L1TD1: variants seen among roughly 807,000 people sequenced by gnomAD.
L1TD1 encodes LINE-1 type transposase domain-containing protein 1.
L1TD1 carries 26 observed loss-of-function variants against 25.7 expected under a neutral mutation model. The ratio of observed to expected loss-of-function variants is 1.01; its 90% CI spans 0.74 to 1.40. L1TD1 has a LOEUF of 1.40. Among genes scored for constraint, L1TD1 ranks in the 40% most tolerant of loss-of-function variants. The pLI, the probability that L1TD1 is intolerant of heterozygous loss-of-function variation, is 0.00. For synonymous variants in L1TD1, 421 were observed against 335.6 expected (o/e 1.25, Z -2.78); for missense variants, 1,130 against 975.0 (o/e 1.16, Z -2.12).
At position 62,206,748 on chromosome 1, in the gene L1TD1, A is replaced by G. The variant is rs990708245; in HGVS notation, c.120A>G (p.Val40=). ...AAACTGATAAGGACATAGCTCCGGT[A>G]TTAGATTTAAAATGCAAGGACGTAT... is the stretch of plus-strand genomic sequence containing the variant. ...LTETDKDIAP[V]LDLKCKDVSA... Residue 40 remains valine, a synonymous_variant, in exon 3 of 4, where the codon GTA becomes GTG. Coordinates refer to ENST00000498273, the MANE Select transcript of L1TD1 (RefSeq NM_019079.5). 2.6e-6 allele frequency: 4 copies of G among 1,552,938 alleles called. No homozygotes were observed. The highest frequency in any genetic ancestry group is 3.5e-6 in the Non-Finnish European group (4 of 1,147,456).
At position 62,209,953 on chromosome 1, in the gene L1TD1, G is replaced by T. The variant is rs775731686; in HGVS notation, c.1179G>T (p.Gly393=). The stretch of plus-strand genomic sequence containing the variant: ...AGGAGCTGGATGAAGAGGCCTCAGG[G>T]ATGGAGGATGATGAAGATACCTCAG... The part of the protein sequence containing the change: ...ELEELDEEAS[G]MEDDEDTSGL... The change falls in exon 4 of 4, where the codon GGG becomes GGT. Residue 393 remains glycine, a synonymous_variant. Transcript: ENST00000498273. 6 of 1,612,732 alleles carry T rather than the reference G, an allele frequency of 3.7e-6. No homozygotes were observed. In the East Asian group the frequency reaches 1.3e-4, roughly 36 times the overall value.
intron 2 of L1TD1, among the ~76,000 whole-genome samples, chr1:62,200,742 G>A (rs996266419): frequency 6.6e-6 from 1 of 151,926 alleles, no homozygotes; most frequent in Non-Finnish European, 1.5e-5. Flanking sequence ...TTTAATAATA[G>A]GCTTTTCGTT....
Position 62,207,226 on chromosome 1 carries a change from A to G in L1TD1, c.598A>G (p.Arg200Gly), listed in dbSNP as rs1286046017. 7.1e-6 allele frequency: 11 copies of G among 1,551,718 alleles called. No individual in the cohort carries two copies. In the South Asian group the frequency reaches 1.3e-4, roughly 18 times the overall value. ...VHLEFTERESRKDGEDEFVKE... is the reference protein window; with the variant it reads ...VHLEFTERESGKDGEDEFVKE... ...TTTAGAATTTACAGAAAGAGAGAGTAGGAAGGATGGAGAGGATGAATTTGT... is the reference window on the plus strand; with the variant it reads ...TTTAGAATTTACAGAAAGAGAGAGTGGGAAGGATGGAGAGGATGAATTTGT... The change falls in exon 3 of 4, where the codon AGG (arginine) becomes GGG (glycine). Residue 200 changes from arginine to glycine, a missense_variant. Arg to Gly is a moderately radical substitution (Grantham distance 125). Transcript: ENST00000498273.
At chr1:62,200,260 T>C (rs1032455970) in intron 2 of L1TD1, among the ~76,000 whole-genome samples, 1 of 152,116 alleles carries the variant, frequency 6.6e-6, no homozygotes, top group Non-Finnish European at 1.5e-5. Context: ...CACTGCAACC[T>C]CCGCCTCCCG....
intron 2 of L1TD1, among the ~76,000 whole-genome samples, chr1:62,204,125 T>C (rs751833645): frequency 3.3e-5 from 5 of 152,234 alleles, no homozygotes. Context: ...GCTCCCATTT[T>C]TGAACCATGC....
Position 62,210,445 on chromosome 1 carries a change from T to C in L1TD1, c.1671T>C (p.Ser557=), listed in dbSNP as rs770543773. The change falls in exon 4 of 4, where the codon TCT becomes TCC. Residue 557 remains serine, a synonymous_variant. Coordinates refer to ENST00000498273, the MANE Select transcript of L1TD1 (RefSeq NM_019079.5). ...GTPCLTLCLA[S]PSKSLEMSHD... ...CCTGTCTGACCTTATGTTTGGCCTC[T>C]CCCTCAAAGTCACTAGAGATGAGTC... 24 of 1,613,972 alleles carry C rather than the reference T, an allele frequency of 1.5e-5. No homozygotes were observed. In the Admixed American group the frequency reaches 3.5e-4, roughly 24 times the overall value.
chr1:62,211,214 C>A lies in L1TD1; in HGVS notation c.2440C>A (p.Leu814Met), dbSNP rs1337052193. The part of the protein sequence containing the change: ...RSKWSNVFKV[L>M]LEKGFNPRIL... ...TAAATGGAGCAATGTCTTCAAAGTTCTGCTGGAAAAAGGCTTTAATCCTAG... is the reference window on the plus strand; with the variant it reads ...TAAATGGAGCAATGTCTTCAAAGTTATGCTGGAAAAAGGCTTTAATCCTAG... The change falls in exon 4 of 4, where the codon CTG becomes ATG. Residue 814 changes from leucine (L) to methionine (M), a missense_variant. Coordinates refer to ENST00000498273, the MANE Select transcript of L1TD1 (RefSeq NM_019079.5). 1.9e-6 allele frequency: 3 copies of A among 1,556,848 alleles called. No individual in the cohort carries two copies. Among genetic ancestry groups the A allele is most frequent in the South Asian group, 1.2e-5 (1 of 84,814 alleles).
Position 62,211,336 on chromosome 1 carries a change from C to A in L1TD1, c.2562C>A (p.Pro854=). ...EEFRDYVLHM[P]TLRELLGNNI... is the part of the protein sequence containing the mutation. The stretch of plus-strand genomic sequence containing the variant: ...TTAGAGATTATGTTTTGCATATGCC[C>A]ACCTTGAGAGAATTACTGGGGAATA... The change falls in exon 4 of 4, where the codon CCC becomes CCA. Residue 854 remains proline (P), a synonymous_variant. Coordinates refer to ENST00000498273, the MANE Select transcript of L1TD1 (RefSeq NM_019079.5). 4 of 1,610,406 alleles carry A rather than the reference C, an allele frequency of 2.5e-6. No individual in the cohort carries two copies. The highest frequency in any genetic ancestry group is 3.4e-6 in the Non-Finnish European group (4 of 1,178,614).
chr1:62,208,836 T>C (rs1670804211), intron 3 of L1TD1, among the ~76,000 whole-genome samples: 1 of 152,230 alleles, frequency 6.6e-6, no homozygotes, highest in Non-Finnish European at 1.5e-5. Context: ...ACGCTTCTCC[T>C]CTGCCTTTCC....
At position 62,211,051 on chromosome 1, in the gene L1TD1, C is replaced by T. The variant is rs1363225327; in HGVS notation, c.2277C>T (p.His759=). 8 of 1,550,890 alleles carry T rather than the reference C, an allele frequency of 5.2e-6. No homozygotes were observed. The highest frequency in any genetic ancestry group is 7.0e-6 in the Non-Finnish European group (8 of 1,146,888). The part of the protein sequence containing the change: ...KIDEKRLTPR[H]ILVKFWNSSD... ...ATGAAAAGAGACTGACTCCTAGACA[C>T]ATCTTGGTGAAATTTTGGAATTCTA... The change falls in exon 4 of 4, where the codon CAC becomes CAT. Residue 759 remains histidine, a synonymous_variant. Transcript: ENST00000498273.
intron 2 of L1TD1, among the ~76,000 whole-genome samples, chr1:62,205,366 ACTCTCTTTCTCTCTCT>A (rs1229844770): frequency 0.032 from 3,340 of 105,014 alleles, 161 homozygotes; most frequent in Middle Eastern, 0.06. Context: ...ACCAACGAAA[ACTCTCTTTCTCTCTCT>A]CTCTCTTTCT....
At position 62,205,432 on chromosome 1, in the gene L1TD1, TATATATA is replaced by T. The variant is rs1287889963; in HGVS notation, c.-110-1086_-110-1080del. 4.1e-5 allele frequency among the ~76,000 whole-genome samples: 3 copies of T among 73,938 alleles called. 1 individual carries two copies. Among genetic ancestry groups the T allele is most frequent in the African/African-American group, 1.4e-4 (3 of 20,838 alleles). The allele number at this position is 73,938 out of a possible 152,430, so 48.5% of individuals were successfully genotyped here. A position where few individuals can be genotyped will look rare whatever the true frequency, so the allele number is the denominator to read the frequency against. ...CTCTCTCTCTCTATATATATATATA[TATATATA>T]TATATTTTTTTTTAGACAGTCTTGC... is the stretch of plus-strand genomic sequence containing the variant. On this transcript the variant is annotated intron_variant, in intron 2 of 3. Coordinates refer to ENST00000498273, the MANE Select transcript of L1TD1 (RefSeq NM_019079.5).
chr1:62,201,589 ATC>A (rs762568327), intron 2 of L1TD1, among the ~76,000 whole-genome samples: 31 of 151,974 alleles, frequency 2.0e-4, no homozygotes, highest in Admixed American at 5.9e-4. Context: ...CATTTGTTTA[ATC>A]TCTCTTTTTT....
chr1:62,204,393 T>C (rs945685609), intron 2 of L1TD1, among the ~76,000 whole-genome samples: 1 of 152,228 alleles, frequency 6.6e-6, no homozygotes, highest in African/African-American at 2.4e-5. Flanking sequence ...TAGGTAGTTA[T>C]CATTTTGATT....
In L1TD1 at chr1:62,210,614, G is replaced by C. The variant is rs370890823; in HGVS notation, c.1840G>C (p.Glu614Gln). ...AGAAGCAGACTTAACAGAGGAAACAGAAGAAAACTTGAGAAGTAGTGTGAT... is the reference window on the plus strand; with the variant it reads ...AGAAGCAGACTTAACAGAGGAAACACAAGAAAACTTGAGAAGTAGTGTGAT... Reference protein sequence around the residue: ...SKEADLTEETEENLRSSVINS... With the variant: ...SKEADLTEETQENLRSSVINS... Residue 614 changes from glutamate to glutamine, a missense_variant, in exon 4 of 4, where the codon GAA (glutamate) becomes CAA (glutamine). Transcript: ENST00000498273. 163 of 1,601,420 alleles carry C rather than the reference G, an allele frequency of 1.0e-4. No homozygotes were observed. The Admixed American group carries it at 2.8e-3, about 27-fold the overall frequency.
chr1:62,201,247 G>C (rs1234812261), intron 2 of L1TD1, among the ~76,000 whole-genome samples: 1 of 151,978 alleles, frequency 6.6e-6, no homozygotes, highest in South Asian at 2.1e-4. Flanking sequence ...ATTTATTGTA[G>C]CGTTTATTGG....
At position 62,204,513 on chromosome 1, in the gene L1TD1, A is replaced by G. The variant is rs544815929; in HGVS notation, c.-110-2006A>G. Among the ~76,000 whole-genome samples, 294 of 152,310 alleles carry G rather than the reference A, an allele frequency of 1.9e-3. 1 individual carries two copies. The highest frequency in any genetic ancestry group is 3.4e-3 in the Middle Eastern group (1 of 294). On this transcript the variant is annotated intron_variant, in intron 2 of 3. Coordinates refer to ENST00000498273, the MANE Select transcript of L1TD1 (RefSeq NM_019079.5). Reference sequence around the variant, plus strand: ...ACATAGAAGTTTTTAAGTTTAATTTATCTTTTACTTTTATGCTATCCTTTT... The same window carrying G: ...ACATAGAAGTTTTTAAGTTTAATTTGTCTTTTACTTTTATGCTATCCTTTT...
Position 62,211,458 on chromosome 1 carries a change from C to G in L1TD1, c.*86C>G. The G allele has an allele frequency of 6.6e-7, 1 of 1,508,620 alleles. No individual in the cohort carries two copies. The allele number at this position is 1,508,620 out of a possible 1,614,324, so 93.5% of individuals were successfully genotyped here. ...AAGTAAAACGAAAATACACTTCTACCCAGAAGGATGGACAGCTAATAGCGT... is the reference window on the plus strand; with the variant it reads ...AAGTAAAACGAAAATACACTTCTACGCAGAAGGATGGACAGCTAATAGCGT... On this transcript the variant is annotated 3_prime_UTR_variant, in exon 4 of 4. Coordinates refer to ENST00000498273, the MANE Select transcript of L1TD1 (RefSeq NM_019079.5).
chr1:62,204,592 C>T (rs556744330), intron 2 of L1TD1, among the ~76,000 whole-genome samples: 3 of 152,020 alleles, frequency 2.0e-5, no homozygotes, highest in Non-Finnish European at 2.9e-5. Flanking sequence ...TTTTTAGAAA[C>T]AGCGTCTCAC....
Sources: allele counts gnomAD v4.1 joint callset (sites outside exome capture counted in the v4.1 genomes callset), GRCh38; gene constraint gnomAD v4.1.1; transcripts MANE v1.5; gene names NCBI Gene and HGNC (gene_info 2026-07-23, HGNC 2026-07-21).